Variants in SEMA4D observed in about 807,000 individuals in gnomAD.
SEMA4D encodes the protein semaphorin 4D.
A neutral mutation model predicts 74.8 loss-of-function variants in SEMA4D; 22 were observed. The ratio of observed to expected loss-of-function variants is 0.29; its 90% CI spans 0.21 to 0.42. SEMA4D has a LOEUF of 0.42. Among genes scored for constraint, SEMA4D ranks in the 10% least tolerant of loss-of-function variants. The probability of loss-of-function intolerance (pLI) is 1.00; values close to 1 mark genes in which losing one functional copy is unlikely to be tolerated. For missense variants in SEMA4D, 937 were observed against 1,118.4 expected, an observed-to-expected ratio of 0.84 and a Z score of 2.31; for synonymous variants, 445 against 463.7, an observed-to-expected ratio of 0.96 and a Z score of 0.52.
rs577239346 is a variant in SEMA4D, at chr9:89,382,752, C to T, written c.1447-1406G>A. Among the ~76,000 whole-genome samples, 332 of 152,352 alleles carry T rather than the reference C, an allele frequency of 2.2e-3. 1 individual carries two copies. The highest frequency in any genetic ancestry group is 7.7e-3 in the African/African-American group (319 of 41,584). The stretch of plus-strand genomic sequence containing the variant: ...AAGCTGGGTAACTTCCAAGGGACAG[C>T]TGGTCCTGTTGGGTCCCGCGGGGGG... On this transcript the variant is annotated intron_variant, in intron 13 of 15. Transcript: ENST00000422704.
chr9:89,463,037 C>T (rs976790799), intron 1 of SEMA4D, among the ~76,000 whole-genome samples: 4 of 149,840 alleles, frequency 2.7e-5, no homozygotes, highest in African/African-American at 9.9e-5. Flanking sequence ...ACAAAAGGGT[C>T]TGTACTCTGA....
At chr9:89,383,834 G>A (rs1045309986) in intron 13 of SEMA4D, among the ~76,000 whole-genome samples, 1 of 152,198 alleles carries the variant, frequency 6.6e-6, no homozygotes, top group East Asian at 1.9e-4. Flanking sequence ...GGCCCGCTGA[G>A]AGCAAGCCTG....
chr9:89,425,372 G>T (rs544346656), intron 2 of SEMA4D, among the ~76,000 whole-genome samples: 1 of 152,208 alleles, frequency 6.6e-6, no homozygotes, highest in Non-Finnish European at 1.5e-5. Context: ...GTCTCCTGGG[G>T]GAAAATGTAA....
downstream of SEMA4D, among the ~76,000 whole-genome samples, chr9:89,374,586 A>G (rs1011765614): frequency 4.6e-5 from 7 of 152,204 alleles, no homozygotes; most frequent in African/African-American, 1.7e-4. Flanking sequence ...TCACCTTTGT[A>G]ACCAATTCCC....
intron 13 of SEMA4D, chr9:89,384,903 A>C (rs1325996931): frequency 1.0e-6 from 1 of 985,274 alleles, no homozygotes; most frequent in Non-Finnish European, 1.2e-6. Context: ...ACTGAGGCCC[A>C]AGGAGAAGGC....
chr9:89,418,282 A>G (rs1846136250), intron 2 of SEMA4D: 1 of 759,786 alleles, frequency 1.3e-6, no homozygotes, highest in Non-Finnish European at 1.6e-6. Context: ...GCTGGGGAAG[A>G]CAGCACTGGG....
intron 1 of SEMA4D, among the ~76,000 whole-genome samples, chr9:89,494,715 AG>A (rs1422406910): frequency 6.6e-6 from 1 of 152,170 alleles, no homozygotes; most frequent in Non-Finnish European, 1.5e-5. Flanking sequence ...AACAGAACAA[AG>A]AACCCAGGTA....
At chr9:89,399,157 G>T in intron 5 of SEMA4D, 119 bp downstream of exon 5, 1 of 815,362 alleles carries the variant, frequency 1.2e-6, no homozygotes, top group Non-Finnish European at 2.1e-6. Context: ...AAGCCCAGCA[G>T]AATGAACAGA....
intron 2 of SEMA4D, among the ~76,000 whole-genome samples, chr9:89,431,640 G>A (rs1030359636): frequency 2.4e-4 from 37 of 152,210 alleles, no homozygotes; most frequent in African/African-American, 7.7e-4. Context: ...TAGGACTACA[G>A]GCGTGAGCCA....
At chr9:89,432,613 A>G (rs1007265776) in intron 2 of SEMA4D, among the ~76,000 whole-genome samples, 8 of 152,204 alleles carry the variant, frequency 5.3e-5, no homozygotes, top group Non-Finnish European at 1.2e-4. Context: ...GGCAAATGAT[A>G]CTTAATACCC....
At chr9:89,393,473 G>A (rs905537494) in intron 7 of SEMA4D, 89 bp downstream of exon 7, 7 of 1,084,316 alleles carry the variant, frequency 6.5e-6, no homozygotes, top group Non-Finnish European at 9.9e-6. Context: ...AAGGAAGACA[G>A]CACTTCAGAG....
chr9:89,404,352 C>T (rs560192203), intron 3 of SEMA4D, among the ~76,000 whole-genome samples: 64 of 152,268 alleles, frequency 4.2e-4, no homozygotes, highest in Admixed American at 1.0e-3. Context: ...GTCAGGGGTC[C>T]CCAGATTCAG....
intron 2 of SEMA4D, chr9:89,436,435 T>G (rs553884515): frequency 1.3e-5 from 2 of 152,528 alleles, no homozygotes; most frequent in East Asian, 3.9e-4. Context: ...ACGCAGGGCC[T>G]CTGCTCGCCT....
intron 13 of SEMA4D, among the ~76,000 whole-genome samples, chr9:89,382,242 G>C (rs941193074): frequency 2.0e-5 from 3 of 152,270 alleles, no homozygotes; most frequent in East Asian, 1.9e-4. Flanking sequence ...GCGTGCAACA[G>C]ACCTGGAGGT....
chr9:89,454,692 G>A (rs938459702), intron 2 of SEMA4D, among the ~76,000 whole-genome samples: 3 of 152,212 alleles, frequency 2.0e-5, no homozygotes, highest in Non-Finnish European at 2.9e-5. Context: ...CCACGGTGAC[G>A]GCAGGGTGTG....
chr9:89,412,932 C>A (rs145994131), intron 2 of SEMA4D, among the ~76,000 whole-genome samples: 61 of 152,250 alleles, frequency 4.0e-4, no homozygotes, highest in African/African-American at 1.4e-3. Context: ...GCCGGCCCTG[C>A]GAGTTCTTTC....
At chr9:89,393,808 T>C (rs1017123078) in intron 6 of SEMA4D, among the ~76,000 whole-genome samples, 153 bp from the exon 7 acceptor site, 1 of 152,252 alleles carries the variant, frequency 6.6e-6, no homozygotes. Flanking sequence ...TCCCGCCCAC[T>C]AGGGCCAGGG....
chr9:89,361,989 T>G, exon 19 of SEMA4D: 1 of 281,046 alleles, frequency 3.6e-6, no homozygotes, highest in Non-Finnish European at 6.9e-6. Flanking sequence ...TATTAGGGGG[T>G]GGGGGCACTC....
chr9:89,453,488 A>G (rs1855132024), intron 2 of SEMA4D, among the ~76,000 whole-genome samples: 1 of 152,232 alleles, frequency 6.6e-6, no homozygotes, highest in South Asian at 2.1e-4. Flanking sequence ...TGCCTGTCTT[A>G]TCCTATGCTT....
Sources: gnomAD v4.1 joint callset for allele counts (sites outside exome capture counted in the v4.1 genomes callset) on GRCh38, gnomAD v4.1.1 for gene constraint, MANE v1.5 for transcripts, NCBI Gene and HGNC (gene_info 2026-07-23, HGNC 2026-07-21) for gene names.